Variants in RALYL observed in about 807,000 individuals in gnomAD.
RALYL encodes RNA-binding Raly-like protein.
In RALYL, 29 loss-of-function variants were observed where a neutral mutation model predicts 35.1. The observed-to-expected ratio is 0.83, with a 90% CI of 0.61 to 1.13. The LOEUF is 1.13. Ranked by LOEUF, RALYL falls within the 50% of genes most tolerant of loss-of-function variation. The pLI, the probability that RALYL is intolerant of heterozygous loss-of-function variation, is 0.00. For synonymous variants in RALYL, 120 were observed against 127.6 expected, an observed-to-expected ratio of 0.94 and a Z score of 0.40; for missense variants, 359 against 360.4, an observed-to-expected ratio of 1.00 and a Z score of 0.03.
At chr8:84,773,648 C>G (rs143952557) in intron 2 of RALYL, among the ~76,000 whole-genome samples, 144 of 152,240 alleles carry the variant, frequency 9.5e-4, no homozygotes, top group Admixed American at 4.3e-3. Flanking sequence ...TTTATGAAGG[C>G]AAAGTATGTG....
chr8:84,839,178 C>T (rs964829694), intron 4 of RALYL, among the ~76,000 whole-genome samples: 7 of 152,202 alleles, frequency 4.6e-5, no homozygotes, highest in Non-Finnish European at 1.0e-4. Flanking sequence ...GGCATCACCT[C>T]CCCCGGGAAG....
At chr8:84,593,567 T>A (rs185939166) in intron 2 of RALYL, among the ~76,000 whole-genome samples, 3 of 152,218 alleles carry the variant, frequency 2.0e-5, no homozygotes, top group African/African-American at 7.2e-5. Flanking sequence ...CATGTAGCCA[T>A]GTGCCTTCTC....
intron 8 of RALYL, among the ~76,000 whole-genome samples, chr8:84,913,168 G>T (rs76052338): frequency 6.6e-6 from 1 of 151,650 alleles, no homozygotes; most frequent in African/African-American, 2.4e-5. Flanking sequence ...CAGAAAGAAA[G>T]CCAGGCAAAC....
At chr8:84,345,041 A>G (rs1461570272) in intron 1 of RALYL, among the ~76,000 whole-genome samples, 5 of 151,592 alleles carry the variant, frequency 3.3e-5, no homozygotes, top group Admixed American at 3.3e-4. Flanking sequence ...TGATATATAC[A>G]CCAAAGTGGG....
chr8:84,622,283 G>A lies in RALYL; in HGVS notation c.256+92706G>A, dbSNP rs574749301. Among the ~76,000 whole-genome samples, 3 of 152,288 alleles carry A rather than the reference G, an allele frequency of 2.0e-5. No individual in the cohort carries two copies. The South Asian group carries it at 6.2e-4, about 32-fold the overall frequency. On this transcript the variant is annotated intron_variant, in intron 2 of 8. Coordinates refer to ENST00000521268, the MANE Select transcript of RALYL (RefSeq NM_173848.7). ...CTCATCCCAAAGTATATTTCAGCAT[G>A]AAGGGCTTGTTAAAATTTATTCTAG... is the stretch of plus-strand genomic sequence containing the variant.
intron 1 of RALYL, among the ~76,000 whole-genome samples, chr8:84,424,902 C>T (rs1477572436): frequency 1.3e-5 from 2 of 151,686 alleles, no homozygotes; most frequent in Non-Finnish European, 2.9e-5. Context: ...AGGCAGTCTG[C>T]AGGTTCTCAG....
chr8:84,603,747 G>A (rs1309333550), intron 2 of RALYL, among the ~76,000 whole-genome samples: 1 of 152,050 alleles, frequency 6.6e-6, no homozygotes, highest in African/African-American at 2.4e-5. Context: ...TGACATACAT[G>A]GACATTTGCA....
intron 1 of RALYL, among the ~76,000 whole-genome samples, chr8:84,214,252 A>G (rs2131212736): frequency 6.6e-6 from 1 of 152,250 alleles, no homozygotes; most frequent in Non-Finnish European, 1.5e-5. Flanking sequence ...TAAGTTGCAT[A>G]TAAGGAATTG....
intron 1 of RALYL, among the ~76,000 whole-genome samples, chr8:84,505,308 T>G (rs996576285): frequency 1.3e-5 from 2 of 152,184 alleles, no homozygotes. Context: ...TTCTTATACA[T>G]GCTCCTTTAT....
chr8:84,653,232 T>TA (rs1319549625), intron 2 of RALYL, among the ~76,000 whole-genome samples: 2 of 152,102 alleles, frequency 1.3e-5, no homozygotes, highest in Admixed American at 6.6e-5. Context: ...TGCCACTTTT[T>TA]AAAAAACCAA....
intron 8 of RALYL, among the ~76,000 whole-genome samples, chr8:84,901,478 G>C (rs187852947): frequency 4.8e-4 from 73 of 152,288 alleles, no homozygotes; most frequent in Middle Eastern, 3.4e-3. Flanking sequence ...TTAGTAATGA[G>C]AGACTTATTT....
At chr8:84,866,113 T>C (rs1379342934) in intron 6 of RALYL, among the ~76,000 whole-genome samples, 1 of 152,170 alleles carries the variant, frequency 6.6e-6, no homozygotes, top group Non-Finnish European at 1.5e-5. Context: ...GAGAATGTAC[T>C]ATTGGCCGGA....
At chr8:84,457,457 T>C (rs565415837) in intron 1 of RALYL, among the ~76,000 whole-genome samples, 60 of 152,060 alleles carry the variant, frequency 3.9e-4, no homozygotes, top group African/African-American at 1.1e-3. Context: ...CAAATGTCTT[T>C]AGCAGTTCTA....
intron 1 of RALYL, among the ~76,000 whole-genome samples, chr8:84,471,336 G>A (rs1489533238): frequency 6.6e-6 from 1 of 151,962 alleles, no homozygotes; most frequent in African/African-American, 2.4e-5. Flanking sequence ...TAATCCCAGT[G>A]CTTTGAGATG....
chr8:84,278,709 T>C (rs59395417), intron 1 of RALYL, among the ~76,000 whole-genome samples: 12,088 of 152,222 alleles, frequency 0.079, 546 homozygotes, highest in East Asian at 0.12. Flanking sequence ...CAAGAGTGGC[T>C]TTTACTTGTC....
At chr8:84,704,450 C>CACAG (rs1056321820) in intron 2 of RALYL, among the ~76,000 whole-genome samples, 8 of 129,392 alleles carry the variant, frequency 6.2e-5, no homozygotes, top group Admixed American at 5.2e-4. Flanking sequence ...CACACAGACA[C>CACAG]ACACACACAC....
chr8:84,896,214 G>A (rs527555313), intron 8 of RALYL, among the ~76,000 whole-genome samples: 1 of 152,280 alleles, frequency 6.6e-6, no homozygotes, highest in African/African-American at 2.4e-5. Context: ...AGGTCTCATT[G>A]TGCCAGAGAA....
chr8:84,592,100 G>A (rs765731985), intron 2 of RALYL, among the ~76,000 whole-genome samples: 1 of 152,028 alleles, frequency 6.6e-6, no homozygotes, highest in Non-Finnish European at 1.5e-5. Context: ...ACCAGGATGG[G>A]TGACTTAACA....
chr8:84,296,463 A>G (rs781117987), intron 1 of RALYL, among the ~76,000 whole-genome samples: 1 of 151,958 alleles, frequency 6.6e-6, no homozygotes, highest in Non-Finnish European at 1.5e-5. Context: ...CCTGTTCACC[A>G]TGTTCATCTT....
Sources: allele counts gnomAD v4.1 joint callset (sites outside exome capture counted in the v4.1 genomes callset), GRCh38; gene constraint gnomAD v4.1.1; transcripts MANE v1.5; gene names NCBI Gene and HGNC (gene_info 2026-07-23, HGNC 2026-07-21).